Variants in AIM2 observed in about 807,000 individuals in gnomAD.
AIM2 encodes absent in melanoma 2.
In AIM2, 30 loss-of-function variants were observed where a neutral mutation model predicts 27.7. That is an observed-to-expected ratio of 1.08 (90% confidence interval 0.81 to 1.47). The LOEUF (loss-of-function observed/expected upper bound fraction) is 1.47, where lower values mean the gene tolerates loss of function less well. AIM2 is among the 40% of genes most tolerant of loss of function. The pLI is 0.00. For synonymous variants in AIM2, 141 were observed against 145.3 expected, an observed-to-expected ratio of 0.97 and a Z score of 0.21; for missense variants, 358 against 411.3, an observed-to-expected ratio of 0.87 and a Z score of 1.12.
chr1:159,058,375 G>A (rs1429012832), downstream of AIM2, among the ~76,000 whole-genome samples: 1 of 151,532 alleles, frequency 6.6e-6, no homozygotes, highest in Non-Finnish European at 1.5e-5. Flanking sequence ...AAGGAGTGGG[G>A]GATGAAGCTG....
chr1:159,058,637 G>A (rs1655730537), downstream of AIM2, among the ~76,000 whole-genome samples: 1 of 152,120 alleles, frequency 6.6e-6, no homozygotes, highest in Non-Finnish European at 1.5e-5. Flanking sequence ...GAGGATGAAA[G>A]GCTCAGAAAG....
At chr1:159,067,513 G>A (rs888336371) in intron 3 of AIM2, among the ~76,000 whole-genome samples, 1 of 152,182 alleles carries the variant, frequency 6.6e-6, no homozygotes, top group Non-Finnish European at 1.5e-5. Context: ...GCCCTGATGG[G>A]CAGCATAACT....
chr1:159,092,240 C>T (rs1212009610), intron 1 of AIM2, among the ~76,000 whole-genome samples: 1 of 152,082 alleles, frequency 6.6e-6, no homozygotes, highest in African/African-American at 2.4e-5. Context: ...ACCAAAGTGA[C>T]TCAGGAAATG....
chr1:159,121,719 A>G (rs1034984831), intron 1 of AIM2, among the ~76,000 whole-genome samples: 15 of 152,188 alleles, frequency 9.9e-5, no homozygotes, highest in Non-Finnish European at 2.1e-4. Context: ...CACTCTGCCA[A>G]TTGGAAAGTC....
Position 159,062,653 on chromosome 1 carries a change from G to A in AIM2, c.*39C>T, listed in dbSNP as rs913882785. ...ATCACATATTCTTCAATTAAATGCT[G>A]CTTAGACCAGTTGGCTTGAATTGGT... On this transcript the variant is annotated 3_prime_UTR_variant, in exon 6 of 6. Coordinates refer to ENST00000368130, the MANE Select transcript of AIM2 (RefSeq NM_004833.3). 3 of 1,601,900 alleles carry A rather than the reference G, an allele frequency of 1.9e-6. No homozygotes were observed. Among genetic ancestry groups the A allele is most frequent in the Non-Finnish European group, 1.7e-6 (2 of 1,169,728 alleles).
intron 1 of AIM2, among the ~76,000 whole-genome samples, chr1:159,113,217 T>C (rs112177520): frequency 0.13 from 19,272 of 152,214 alleles, 1,509 homozygotes; most frequent in Non-Finnish European, 0.17. Context: ...GTGCTGGGAT[T>C]ACAGATGTGA....
chr1:159,114,969 G>A (rs1377821094), intron 1 of AIM2, among the ~76,000 whole-genome samples: 1 of 151,664 alleles, frequency 6.6e-6, no homozygotes, highest in Non-Finnish European at 1.5e-5. Flanking sequence ...TAAGCTGATA[G>A]GCAACTTCAG....
intron 3 of AIM2, among the ~76,000 whole-genome samples, chr1:159,067,672 C>T (rs1391668223): frequency 6.6e-6 from 1 of 152,174 alleles, no homozygotes; most frequent in Non-Finnish European, 1.5e-5. Flanking sequence ...ACCATTTATA[C>T]TTGAACCTTG....
At chr1:159,117,661 A>G (rs886192806) in intron 1 of AIM2, among the ~76,000 whole-genome samples, 1 of 152,164 alleles carries the variant, frequency 6.6e-6, no homozygotes, top group Non-Finnish European at 1.5e-5. Context: ...AATGGTTAAA[A>G]ATATAAAAGA....
At chr1:159,104,854 C>G (rs1484835627) in intron 1 of AIM2, among the ~76,000 whole-genome samples, 1 of 152,200 alleles carries the variant, frequency 6.6e-6, no homozygotes, top group Non-Finnish European at 1.5e-5. Context: ...AATGTGTTTT[C>G]TGGGCCTTTT....
At chr1:159,099,271 T>C (rs1399638117) in intron 1 of AIM2, among the ~76,000 whole-genome samples, 1 of 152,038 alleles carries the variant, frequency 6.6e-6, no homozygotes, top group African/African-American at 2.4e-5. Flanking sequence ...GGCCACAGGA[T>C]TGAAAGGACA....
upstream of AIM2, among the ~76,000 whole-genome samples, chr1:159,079,153 A>C (rs942370930): frequency 6.6e-6 from 1 of 152,168 alleles, no homozygotes; most frequent in African/African-American, 2.4e-5. Flanking sequence ...AGAAGAAGAA[A>C]TATATATGGT....
intron 1 of AIM2, among the ~76,000 whole-genome samples, chr1:159,125,414 T>G (rs1477418612): frequency 1.3e-5 from 2 of 152,222 alleles, no homozygotes; most frequent in Non-Finnish European, 2.9e-5. Context: ...TATAGTGATT[T>G]TCATTTTTAA....
intron 1 of AIM2, among the ~76,000 whole-genome samples, chr1:159,092,435 C>T (rs1285459552): frequency 1.3e-5 from 2 of 152,134 alleles, no homozygotes; most frequent in African/African-American, 4.8e-5. Context: ...GAGACTGGCC[C>T]CTCTTCTGGA....
chr1:159,063,609 C>T lies in AIM2; in HGVS notation c.882G>A (p.Leu294=), dbSNP rs548683319. ...LSDNTGKMEV[L]GVRNEDTMKC... ...TCATTGTGTCCTCGTTTCTAACCCCCAGTACTTCCATTTTCCCAGTGTTGT... is the reference window on the plus strand; with the variant it reads ...TCATTGTGTCCTCGTTTCTAACCCCTAGTACTTCCATTTTCCCAGTGTTGT... Residue 294 remains leucine, a synonymous_variant, in exon 5 of 6, where the codon CTG becomes CTA. Transcript: ENST00000368130. The T allele has an allele frequency of 6.2e-7, 1 of 1,614,156 alleles. No homozygotes were observed. The highest frequency in any genetic ancestry group is 1.1e-5 in the South Asian group (1 of 91,080).
rs191174014 is a variant in AIM2 at position 159,094,572 on chromosome 1, C to T, written c.-15-28243G>A. On this transcript the variant is annotated intron_variant, in intron 1 of 2. Coordinates refer to the AIM2 transcript ENST00000368129. ...ACTTAGCTGAGCTTGGTGGCGTGCA[C>T]CAGTAATCCCTGCTACTCGGGAGGC... Among the ~76,000 whole-genome samples, 38 of 152,238 alleles carry T rather than the reference C, an allele frequency of 2.5e-4. No homozygotes were observed. In the East Asian group the frequency reaches 5.0e-3, roughly 20 times the overall value.
chr1:159,072,053 T>C (rs1453718248), intron 2 of AIM2, among the ~76,000 whole-genome samples: 2 of 152,232 alleles, frequency 1.3e-5, no homozygotes, highest in African/African-American at 2.4e-5. Context: ...AAATAAAAGA[T>C]ATTTCTAAAT....
chr1:159,100,538 G>A (rs1657289571), intron 1 of AIM2, among the ~76,000 whole-genome samples: 1 of 152,174 alleles, frequency 6.6e-6, no homozygotes, highest in South Asian at 2.1e-4. Context: ...ATTAAAAAAG[G>A]TGGAGGCAGG....
intron 1 of AIM2, among the ~76,000 whole-genome samples, chr1:159,138,784 G>A (rs534722864): frequency 6.6e-6 from 1 of 152,086 alleles, no homozygotes; most frequent in African/African-American, 2.4e-5. Context: ...TCCATCAAAT[G>A]CCTACCATAT....
Sources: allele counts gnomAD v4.1 joint callset (sites outside exome capture counted in the v4.1 genomes callset), GRCh38; gene constraint gnomAD v4.1.1; transcripts MANE v1.5; gene names NCBI Gene and HGNC (gene_info 2026-07-23, HGNC 2026-07-21).